Variants in MARK2 observed in about 807,000 individuals in gnomAD.
The protein encoded by MARK2 is microtubule affinity regulating kinase 2.
In MARK2, 16 loss-of-function variants were observed where a neutral mutation model predicts 89.8. The ratio of observed to expected loss-of-function variants is 0.18; its 90% CI spans 0.12 to 0.27. The LOEUF (loss-of-function observed/expected upper bound fraction) is 0.27, where lower values mean the gene tolerates loss of function less well. Among genes scored for constraint, MARK2 ranks in the 10% least tolerant of loss-of-function variants. The pLI, the probability that MARK2 is intolerant of heterozygous loss-of-function variation, is 1.00. For missense variants in MARK2, 621 were observed against 1,049.9 expected, an observed-to-expected ratio of 0.59 and a Z score of 5.65; for synonymous variants, 382 against 399.5, an observed-to-expected ratio of 0.96 and a Z score of 0.52.
rs532226367 is a variant in MARK2, at chr11:63,902,362, T to C, written c.1234+32T>C. On this transcript the variant is annotated intron_variant, in intron 12 of 18. Transcript: ENST00000402010. The surrounding 1 kb of genome is among the most constrained non-coding windows in gnomAD (Gnocchi z 4.2). ...GCTTTTGGGAGTTGTAGGTGGGGAC[T>C]CACCCCTCTCCAGAGAGGTTACAGG... 1.2e-6 allele frequency: 2 copies of C among 1,613,168 alleles called. No individual in the cohort carries two copies. Among genetic ancestry groups the C allele is most frequent in the Non-Finnish European group, 1.7e-6 (2 of 1,179,560 alleles).
intron 1 of MARK2, among the ~76,000 whole-genome samples, chr11:63,879,776 G>T (rs114166407): frequency 0.015 from 2,237 of 152,224 alleles, 59 homozygotes; most frequent in African/African-American, 0.052. Context: ...GGTTTCTGAT[G>T]TGCTCTGACC....
At chr11:63,894,345 G>C (rs753129639) in intron 1 of MARK2, among the ~76,000 whole-genome samples, 1 of 152,196 alleles carries the variant, frequency 6.6e-6, no homozygotes, top group Non-Finnish European at 1.5e-5. Flanking sequence ...GGAGACTCGG[G>C]TTCGACTTCG....
chr11:63,902,089 C>T lies in MARK2; in HGVS notation c.1102-109C>T. 1 of 1,215,090 alleles carries T rather than the reference C, an allele frequency of 8.2e-7. No homozygotes were observed. The highest frequency in any genetic ancestry group is 1.2e-6 in the Non-Finnish European group (1 of 857,160). 75.3% of individuals were successfully genotyped at this position (1,215,090 alleles called of 1,614,324 possible). ...CTTACAAGTGGATGTCCGGTATGAT[C>T]CTGGGGTGTTTGAGTGTTGGGAGAG... On this transcript the variant is annotated intron_variant, in intron 11 of 18. Coordinates refer to ENST00000402010, the MANE Select transcript of MARK2 (RefSeq NM_001039469.3). This position sits in a 1 kb window ranked among gnomAD's most constrained non-coding sequence, Gnocchi z 4.2.
intron 17 of MARK2, among the ~76,000 whole-genome samples, chr11:63,906,659 TC>T (rs1490992324): frequency 3.4e-4 from 51 of 152,138 alleles, no homozygotes. Context: ...TGTGACCTCT[TC>T]CCCGTGGCCT....
chr11:63,900,885 G>C lies in MARK2; in HGVS notation c.988+6G>C. The C allele has an allele frequency of 6.2e-7, 1 of 1,613,820 alleles. No homozygotes were observed. ...CAAGGACCCCCGGCGGACAGGTGAGGCTGTGCCGGGCTGTGAGGTTAAGCT... is the reference window on the plus strand; with the variant it reads ...CAAGGACCCCCGGCGGACAGGTGAGCCTGTGCCGGGCTGTGAGGTTAAGCT... On this transcript the variant is annotated splice_donor_region_variant and intron_variant, in intron 10 of 18. Transcript: ENST00000402010. This position sits in a 1 kb window ranked among gnomAD's most constrained non-coding sequence, Gnocchi z 4.7.
In MARK2 at chr11:63,898,514, A is replaced by C. The variant is rs1452914338; in HGVS notation, c.338-94A>C. 3.9e-6 allele frequency: 4 copies of C among 1,026,114 alleles called. No homozygotes were observed. The East Asian group carries it at 9.5e-5, about 24-fold the overall frequency. The allele number at this position is 1,026,114 out of a possible 1,614,324, so 63.6% of individuals were successfully genotyped here. ...GAGTGGGGGATCATGAAAGGAGGGG[A>C]GACTTTCGTTCCTAGGATGCTCCTG... On this transcript the variant is annotated intron_variant, in intron 4 of 18. Coordinates refer to ENST00000402010, the MANE Select transcript of MARK2 (RefSeq NM_001039469.3).
intron 1 of MARK2, chr11:63,868,807 T>A (rs1488199534): frequency 2.2e-6 from 1 of 455,974 alleles, no homozygotes; most frequent in South Asian, 1.5e-5. Context: ...GTTGGAGAGA[T>A]CATGTGGTCT....
intron 1 of MARK2, among the ~76,000 whole-genome samples, chr11:63,841,996 C>G (rs1002417593): frequency 6.6e-6 from 1 of 152,102 alleles, no homozygotes; most frequent in Non-Finnish European, 1.5e-5. Flanking sequence ...TAACTTTGCC[C>G]AGAGCAGTAG....
chr11:63,854,315 T>C (rs541028824), intron 1 of MARK2, among the ~76,000 whole-genome samples: 13 of 150,398 alleles, frequency 8.6e-5, no homozygotes, highest in African/African-American at 3.2e-4. Flanking sequence ...TTTTCTCACC[T>C]CAGCCTCCCC....
chr11:63,878,143 G>C (rs944177234), intron 1 of MARK2, among the ~76,000 whole-genome samples: 1 of 152,172 alleles, frequency 6.6e-6, no homozygotes, highest in African/African-American at 2.4e-5. Flanking sequence ...TGTTATGTCA[G>C]GGTACTGTTG....
chr11:63,906,727 T>C (rs897241744), intron 17 of MARK2, among the ~76,000 whole-genome samples: 1 of 151,822 alleles, frequency 6.6e-6, no homozygotes, highest in Non-Finnish European at 1.5e-5. Flanking sequence ...AAGGTTTCAG[T>C]CTGGCTCCCC....
At chr11:63,869,793 A>G (rs10897457) in intron 1 of MARK2, among the ~76,000 whole-genome samples, 14,585 of 152,244 alleles carry the variant, frequency 0.096, 967 homozygotes, top group South Asian at 0.22. Flanking sequence ...TTGTCTTGAC[A>G]TAAGTCAAGG....
intron 18 of MARK2, among the ~76,000 whole-genome samples, chr11:63,908,597 T>C (rs1418845449): frequency 6.6e-6 from 1 of 152,182 alleles, no homozygotes; most frequent in East Asian, 1.9e-4. Flanking sequence ...CGGAGGCTTC[T>C]TTCTGGAGAG....
intron 1 of MARK2, among the ~76,000 whole-genome samples, chr11:63,873,592 G>A (rs974444170): frequency 1.3e-5 from 2 of 152,196 alleles, no homozygotes; most frequent in Admixed American, 1.3e-4. Context: ...GAGAGCCTGA[G>A]GCAGAGACCA....
At chr11:63,894,819 A>C (rs1158194023) in intron 1 of MARK2, among the ~76,000 whole-genome samples, 1 of 152,216 alleles carries the variant, frequency 6.6e-6, no homozygotes, top group East Asian at 1.9e-4. Context: ...CAGTGTGCAC[A>C]GGCAGCATGG....
At position 63,862,595 on chromosome 11, in the gene MARK2, T is replaced by A. The variant is rs560026224; in HGVS notation, c.54+23035T>A. ...CTTTCTGGGCTCACCTCCCTACTAT[T>A]GAGGGCTCTACGCAAGAGCTATGGG... On this transcript the variant is annotated intron_variant, in intron 1 of 18. Coordinates refer to ENST00000402010, the MANE Select transcript of MARK2 (RefSeq NM_001039469.3). Among the ~76,000 whole-genome samples, 16 of 152,314 alleles carry A rather than the reference T, an allele frequency of 1.1e-4. No homozygotes were observed. In the South Asian group the frequency reaches 3.3e-3, roughly 32 times the overall value.
chr11:63,890,270 T>A (rs1461257752), intron 1 of MARK2: 1 of 1,345,842 alleles, frequency 7.4e-7, no homozygotes, highest in East Asian at 4.6e-5. Context: ...GGAAACATCT[T>A]ACAGCATAGA....
At chr11:63,907,862 G>A (rs907450925) in intron 17 of MARK2, among the ~76,000 whole-genome samples, 3 of 152,214 alleles carry the variant, frequency 2.0e-5, no homozygotes, top group Non-Finnish European at 4.4e-5. Flanking sequence ...CTCCAAAAAC[G>A]CACTCACACC....
chr11:63,848,272 T>C (rs1316758555), intron 1 of MARK2, among the ~76,000 whole-genome samples: 1 of 152,384 alleles, frequency 6.6e-6, no homozygotes, highest in East Asian at 1.9e-4. Flanking sequence ...TGGTTGCCCC[T>C]GTTGATACTA....
Sources: gnomAD v4.1 joint callset for allele counts (sites outside exome capture counted in the v4.1 genomes callset) on GRCh38, gnomAD v4.1.1 for gene constraint, Gnocchi (gnomAD v3.1) non-coding constraint, MANE v1.5 for transcripts, NCBI Gene and HGNC (gene_info 2026-07-23, HGNC 2026-07-21) for gene names.